The following MYO9B variants were observed in gnomAD, a reference collection of about 807,000 sequenced individuals.
MYO9B encodes unconventional myosin-IXb.
Under a neutral mutation model 229.5 loss-of-function variants are expected in MYO9B, and 71 were observed. That is an observed-to-expected ratio of 0.31 (90% CI 0.26 to 0.38). The LOEUF (loss-of-function observed/expected upper bound fraction) is 0.38, where lower values mean the gene tolerates loss of function less well. Among genes scored for constraint, MYO9B ranks in the 10% least tolerant of loss-of-function variants. The probability of loss-of-function intolerance (pLI) is 1.00; values close to 1 mark genes in which losing one functional copy is unlikely to be tolerated. For synonymous variants in MYO9B, 1,185 were observed against 1,235.8 expected (o/e 0.96, Z 0.86); for missense variants, 2,255 against 2,920.5 (o/e 0.77, Z 5.25).
chr19:17,167,199 ATT>A (rs79129217), intron 10 of MYO9B, among the ~76,000 whole-genome samples: 23 of 134,540 alleles, frequency 1.7e-4, no homozygotes, highest in Admixed American at 2.2e-4. Context: ...AAAGTTTTGG[ATT>A]TTTTTTTTTT....
Position 17,200,437 on chromosome 19 carries a change from T to A in MYO9B, c.4372+11T>A. The stretch of plus-strand genomic sequence containing the variant: ...AGAAGGGCCTGGAAGGTTGGTAGCC[T>A]GCAGCCTCAGGGACAGACAGTAGAG... On this transcript the variant is annotated intron_variant, in intron 25 of 39. Transcript: ENST00000682292. The A allele has an allele frequency of 6.4e-7, 1 of 1,564,092 alleles. No homozygotes were observed. The highest frequency in any genetic ancestry group is 8.7e-7 in the Non-Finnish European group (1 of 1,154,454).
chr19:17,199,016 C>T (rs2073077719), intron 24 of MYO9B, among the ~76,000 whole-genome samples: 1 of 151,926 alleles, frequency 6.6e-6, no homozygotes, highest in South Asian at 2.1e-4. Flanking sequence ...GCCTGGGCAG[C>T]GTGGCAAAAT....
At chr19:17,183,747 G>A (rs902902731) in intron 15 of MYO9B, 82 bp from the exon 16 acceptor site, 18 of 1,239,924 alleles carry the variant, frequency 1.5e-5, no homozygotes, top group Middle Eastern at 1.9e-4. Context: ...AGTCTAACCC[G>A]CCAGGCGTGG....
chr19:17,197,455 G>GATAGATAGACAGATAC (rs2073058494), intron 22 of MYO9B, among the ~76,000 whole-genome samples: 1 of 148,032 alleles, frequency 6.8e-6, no homozygotes, highest in African/African-American at 2.5e-5. Flanking sequence ...TAGATACATA[G>GATAGATAGACAGATAC]ATAGATAGAT....
chr19:17,208,978 T>G (rs1481631617), intron 35 of MYO9B, among the ~76,000 whole-genome samples: 33 of 151,460 alleles, frequency 2.2e-4, no homozygotes, highest in Non-Finnish European at 2.9e-5. Flanking sequence ...CACTGAACAC[T>G]CCGGGCTGAG....
At chr19:17,156,859 G>T in intron 6 of MYO9B, 50 bp from the exon 7 acceptor site, 2 of 1,584,290 alleles carry the variant, frequency 1.3e-6, no homozygotes, top group Non-Finnish European at 1.7e-6. Flanking sequence ...AGTATCTGCT[G>T]TCTTAGGAAC....
At chr19:17,095,502 G>C (rs1364311511) in intron 1 of MYO9B, 1 of 152,082 alleles carries the variant, frequency 6.6e-6, no homozygotes, top group Non-Finnish European at 1.5e-5. Flanking sequence ...ATGTTTTTGG[G>C]GTTCATCCAT....
chr19:17,113,327 G>A (rs1351549694), intron 2 of MYO9B, among the ~76,000 whole-genome samples: 1 of 152,116 alleles, frequency 6.6e-6, no homozygotes, highest in East Asian at 1.9e-4. Context: ...GCGTGTCCAG[G>A]GCCGGGTTGG....
At chr19:17,082,323 G>C (rs2057540863) in intron 1 of MYO9B, among the ~76,000 whole-genome samples, 6 of 152,172 alleles carry the variant, frequency 3.9e-5, no homozygotes, top group Admixed American at 3.9e-4. Flanking sequence ...GCTTATGGGG[G>C]AAGTGGGAGA....
chr19:17,183,970 C>G, intron 16 of MYO9B, 102 bp downstream of exon 16: 2 of 1,135,088 alleles, frequency 1.8e-6, no homozygotes, highest in Non-Finnish European at 2.5e-6. Context: ...CTCCTCCTTC[C>G]CACTATCTCC....
intron 23 of MYO9B, 160 bp from the exon 24 acceptor site, chr19:17,198,024 T>A: frequency 7.6e-7 from 1 of 1,320,470 alleles, no homozygotes; most frequent in Non-Finnish European, 1.0e-6. Flanking sequence ...ACCAGGCCAC[T>A]GCACTCCAGC....
chr19:17,148,289 C>T (rs1208667394), intron 3 of MYO9B, among the ~76,000 whole-genome samples: 5 of 152,204 alleles, frequency 3.3e-5, no homozygotes, highest in Non-Finnish European at 5.9e-5. Context: ...ACACTGCAGG[C>T]TTGACCTCCG....
At chr19:17,093,514 G>A (rs1163675633) in intron 1 of MYO9B, among the ~76,000 whole-genome samples, 1 of 152,134 alleles carries the variant, frequency 6.6e-6, no homozygotes, top group African/African-American at 2.4e-5. Context: ...GTGGCACCTG[G>A]GAACCTGACG....
chr19:17,202,324 C>T (rs761633917), intron 28 of MYO9B, 21 bp downstream of exon 28: 18 of 1,547,278 alleles, frequency 1.2e-5, no homozygotes, highest in Middle Eastern at 1.7e-4. Flanking sequence ...CAGCATGCCA[C>T]GCCCACCTGT....
chr19:17,181,416 C>T (rs140688032), intron 15 of MYO9B, among the ~76,000 whole-genome samples: 3 of 152,354 alleles, frequency 2.0e-5, no homozygotes, highest in Admixed American at 6.5e-5. Flanking sequence ...TGCAGCAGGG[C>T]ATGCGATTTC....
rs773163387 is a variant in MYO9B, at chr19:17,154,425, C to T, written c.1199+10C>T. 8.1e-6 allele frequency: 13 copies of T among 1,603,376 alleles called. No individual in the cohort carries two copies. Among genetic ancestry groups the T allele is most frequent in the African/African-American group, 1.3e-5 (1 of 74,602 alleles). Reference sequence around the variant, plus strand: ...CCGCCACCAAGAAGCAGTAAGTGTGCGGGCTCCCGGGGCCTGTCCCCCAGA... The same window carrying T: ...CCGCCACCAAGAAGCAGTAAGTGTGTGGGCTCCCGGGGCCTGTCCCCCAGA... On this transcript the variant is annotated intron_variant, in intron 6 of 39. Transcript: ENST00000682292.
At chr19:17,208,863 A>T (rs116676495) in intron 35 of MYO9B, among the ~76,000 whole-genome samples, 2,225 of 125,454 alleles carry the variant, frequency 0.018, 44 homozygotes, top group African/African-American at 0.066. Context: ...ACCACTCCAG[A>T]CTGAGTCCCT....
chr19:17,120,977 C>G (rs1350010201), intron 2 of MYO9B, among the ~76,000 whole-genome samples: 1 of 152,154 alleles, frequency 6.6e-6, no homozygotes, highest in Non-Finnish European at 1.5e-5. Flanking sequence ...GAGTCTGGCT[C>G]TATCGCCCAG....
At chr19:17,181,500 G>A (rs1369418674) in intron 15 of MYO9B, among the ~76,000 whole-genome samples, 7 of 152,208 alleles carry the variant, frequency 4.6e-5, no homozygotes, top group East Asian at 1.9e-4. Flanking sequence ...TGCATAAACC[G>A]GTTTGGGATC....
Sources: allele counts gnomAD v4.1 joint callset (sites outside exome capture counted in the v4.1 genomes callset), GRCh38; gene constraint gnomAD v4.1.1; transcripts MANE v1.5; gene names NCBI Gene and HGNC (gene_info 2026-07-23, HGNC 2026-07-21).